Variants in RAB38 observed in about 807,000 individuals in gnomAD.
RAB38 encodes the protein ras-related protein Rab-38.
Under a neutral mutation model 18.4 loss-of-function variants are expected in RAB38, and 15 were observed. That is an observed-to-expected ratio of 0.82 (90% confidence interval 0.55 to 1.26). RAB38 has a LOEUF of 1.26. Among genes scored for constraint, RAB38 ranks in the 50% most tolerant of loss-of-function variants. RAB38 has a pLI of 0.00. For missense variants in RAB38, 294 were observed against 267.4 expected (o/e 1.10, Z -0.69); for synonymous variants, 101 against 104.4 (o/e 0.97, Z 0.20).
chr11:88,131,357 T>C (rs141196489), intron 2 of RAB38, among the ~76,000 whole-genome samples: 427 of 152,308 alleles, frequency 2.8e-3, no homozygotes, highest in Non-Finnish European at 4.0e-3. Context: ...ACAAGACAGA[T>C]TTATTTTCTC....
the RAB38 span, among the ~76,000 whole-genome samples, chr11:88,017,716 AAT>A: frequency 1.4e-5 from 2 of 144,872 alleles, no homozygotes; most frequent in South Asian, 4.2e-4. Context: ...ATATATATAT[AAT>A]ATATATTATA....
At chr11:87,814,378 C>T in the RAB38 span, among the ~76,000 whole-genome samples, 2 of 152,132 alleles carry the variant, frequency 1.3e-5, no homozygotes, top group African/African-American at 4.8e-5. Flanking sequence ...TATAGCTGAT[C>T]AAGAGATTTT....
the RAB38 span, among the ~76,000 whole-genome samples, chr11:87,832,925 G>C: frequency 9.9e-5 from 15 of 152,224 alleles, no homozygotes; most frequent in African/African-American, 3.6e-4. Context: ...ACATTATTCA[G>C]CTTAGCAAAA....
chr11:88,008,627 C>T, the RAB38 span, among the ~76,000 whole-genome samples: 1 of 152,302 alleles, frequency 6.6e-6, no homozygotes, highest in Admixed American at 6.5e-5. Flanking sequence ...AGAAAGAAAA[C>T]AGAGAGATTA....
At chr11:87,813,453 C>T in the RAB38 span, among the ~76,000 whole-genome samples, 1 of 151,758 alleles carries the variant, frequency 6.6e-6, no homozygotes, top group African/African-American at 2.4e-5. Flanking sequence ...AGTTCATCTT[C>T]TGTGACTCAG....
At chr11:88,043,222 T>C in the RAB38 span, among the ~76,000 whole-genome samples, 1 of 152,156 alleles carries the variant, frequency 6.6e-6, no homozygotes, top group Admixed American at 6.5e-5. Flanking sequence ...CTCAAATAAA[T>C]GGCAACACTC....
chr11:88,160,056 A>T (rs531332829), intron 1 of RAB38, among the ~76,000 whole-genome samples: 1 of 152,290 alleles, frequency 6.6e-6, no homozygotes, highest in South Asian at 2.1e-4. Context: ...ACAGAATGGG[A>T]GAAAATATTC....
At chr11:88,031,839 A>G in the RAB38 span, among the ~76,000 whole-genome samples, 1 of 152,214 alleles carries the variant, frequency 6.6e-6, no homozygotes, top group South Asian at 2.1e-4. Flanking sequence ...CATTCCCATG[A>G]AGCTACCAAT....
At chr11:88,147,553 T>C (rs1266693182) in intron 2 of RAB38, among the ~76,000 whole-genome samples, 2 of 148,428 alleles carry the variant, frequency 1.3e-5, no homozygotes, top group Non-Finnish European at 3.0e-5. Flanking sequence ...TAAGTGAATT[T>C]ACCCACATTT....
At chr11:88,114,855 G>A (rs1027912100) in intron 2 of RAB38, among the ~76,000 whole-genome samples, 2 of 152,170 alleles carry the variant, frequency 1.3e-5, no homozygotes, top group Non-Finnish European at 1.5e-5. Flanking sequence ...TATGTAGTGT[G>A]CATGAGAATG....
the RAB38 span, among the ~76,000 whole-genome samples, chr11:88,061,060 C>A: frequency 1.3e-5 from 2 of 152,152 alleles, no homozygotes; most frequent in Non-Finnish European, 2.9e-5. Context: ...CTTTGCTAAT[C>A]TGAACAACAT....
At chr11:87,957,173 G>A in the RAB38 span, among the ~76,000 whole-genome samples, 3 of 151,944 alleles carry the variant, frequency 2.0e-5, no homozygotes, top group Non-Finnish European at 2.9e-5. Flanking sequence ...TGTCCCTTAG[G>A]TGGTCAGTTC....
At chr11:88,008,599 C>A in the RAB38 span, among the ~76,000 whole-genome samples, 15 of 152,196 alleles carry the variant, frequency 9.9e-5, no homozygotes, top group Admixed American at 9.8e-4. Flanking sequence ...TCTATGAAAT[C>A]TGACTAATAT....
chr11:87,808,391 T>C, the RAB38 span, among the ~76,000 whole-genome samples: 1 of 152,166 alleles, frequency 6.6e-6, no homozygotes, highest in African/African-American at 2.4e-5. Flanking sequence ...AAAGAAAATA[T>C]CCTGTTATTT....
the RAB38 span, among the ~76,000 whole-genome samples, chr11:88,086,516 A>C: frequency 6.6e-6 from 1 of 152,050 alleles, no homozygotes; most frequent in African/African-American, 2.4e-5. Context: ...TGGATTGATA[A>C]GACCTGACAT....
the RAB38 span, among the ~76,000 whole-genome samples, chr11:88,086,677 A>G: frequency 6.6e-6 from 1 of 151,932 alleles, no homozygotes; most frequent in Non-Finnish European, 1.5e-5. Context: ...AATGAATAGC[A>G]TATGAATTTG....
chr11:88,027,528 G>A, the RAB38 span, among the ~76,000 whole-genome samples: 18 of 152,308 alleles, frequency 1.2e-4, no homozygotes, highest in East Asian at 3.9e-4. Flanking sequence ...TGAATACTGC[G>A]CTTTTCTGAC....
the RAB38 span, among the ~76,000 whole-genome samples, chr11:87,809,332 A>G: frequency 6.6e-6 from 1 of 152,222 alleles, no homozygotes; most frequent in South Asian, 2.1e-4. Flanking sequence ...CCAGACTACA[A>G]AAGAATCTAC....
chr11:88,073,563 A>C, the RAB38 span, among the ~76,000 whole-genome samples: 12 of 152,220 alleles, frequency 7.9e-5, no homozygotes, highest in African/African-American at 2.4e-4. Context: ...CTAATAAAAA[A>C]CAAAACAAGC....
Sources: allele counts gnomAD v4.1 joint callset (sites outside exome capture counted in the v4.1 genomes callset), GRCh38; gene constraint gnomAD v4.1.1; transcripts MANE v1.5; gene names NCBI Gene and HGNC (gene_info 2026-07-23, HGNC 2026-07-21).